Variants in AUTS2 observed in about 807,000 individuals in gnomAD.
AUTS2 encodes activator of transcription and developmental regulator AUTS2, also known as autism susceptibility gene 2 protein.
In AUTS2, 17 loss-of-function variants were observed where a neutral mutation model predicts 112.4. The ratio of observed to expected loss-of-function variants is 0.15; its 90% CI spans 0.10 to 0.23. AUTS2 has a LOEUF of 0.23. Among genes scored for constraint, AUTS2 ranks in the 10% least tolerant of loss-of-function variants. The pLI is 1.00. For synonymous variants in AUTS2, 751 were observed against 702.7 expected (o/e 1.07, Z -1.09); for missense variants, 1,510 against 1,701.6 (o/e 0.89, Z 1.98).
chr7:69,855,615 T>C (rs898972975), intron 1 of AUTS2, among the ~76,000 whole-genome samples: 5 of 152,212 alleles, frequency 3.3e-5, no homozygotes, highest in African/African-American at 1.2e-4. Context: ...TCATTTCTAG[T>C]TGGAGTCTGT....
intron 2 of AUTS2, among the ~76,000 whole-genome samples, chr7:70,014,207 G>A (rs1379754525): frequency 1.3e-5 from 2 of 152,154 alleles, no homozygotes; most frequent in African/African-American, 4.8e-5. Context: ...GGAAGATTCC[G>A]AACTTGAGGC....
At chr7:69,881,915 G>A (rs1194008162) in intron 1 of AUTS2, among the ~76,000 whole-genome samples, 1 of 152,124 alleles carries the variant, frequency 6.6e-6, no homozygotes, top group Non-Finnish European at 1.5e-5. Flanking sequence ...ACTTTGGGAG[G>A]CCGAGGTGGG....
chr7:70,026,968 T>G (rs1800548920), intron 2 of AUTS2, among the ~76,000 whole-genome samples: 1 of 150,000 alleles, frequency 6.7e-6, no homozygotes, highest in South Asian at 2.1e-4. Context: ...ATAGTTTTGG[T>G]GCAAAATCAT....
chr7:70,720,106 C>A (rs1356650696), intron 6 of AUTS2, among the ~76,000 whole-genome samples: 2 of 152,076 alleles, frequency 1.3e-5, no homozygotes, highest in East Asian at 3.9e-4. Context: ...CTTTAAAAAG[C>A]CTTTCCTGCC....
chr7:70,610,590 C>G (rs1804044217), intron 5 of AUTS2, among the ~76,000 whole-genome samples: 1 of 151,794 alleles, frequency 6.6e-6, no homozygotes, highest in Non-Finnish European at 1.5e-5. Context: ...AGGTGCACGC[C>G]ACTACACCTG....
chr7:69,957,791 CA>C lies in AUTS2; in HGVS notation c.522+58294del, dbSNP rs1797276182. Among the ~76,000 whole-genome samples the C allele has an allele frequency of 4.6e-5, 7 of 152,224 alleles. No homozygotes were observed. The South Asian group carries it at 1.4e-3, about 32-fold the overall frequency. The stretch of plus-strand genomic sequence containing the variant: ...CAACCCTCCCAAGTGGATTCAGTTC[CA>C]GGGGCACATGGTTTGGTGAGTGGCC... On this transcript the variant is annotated intron_variant, in intron 2 of 18. Coordinates refer to ENST00000342771, the MANE Select transcript of AUTS2 (RefSeq NM_015570.4).
intron 1 of AUTS2, among the ~76,000 whole-genome samples, chr7:69,865,092 T>C (rs1056808373): frequency 1.3e-5 from 2 of 151,394 alleles, no homozygotes; most frequent in African/African-American, 4.9e-5. Flanking sequence ...TTGGATATTA[T>C]AGGATGGTAG....
At chr7:70,563,570 C>T (rs989257129) in intron 5 of AUTS2, among the ~76,000 whole-genome samples, 2 of 152,148 alleles carry the variant, frequency 1.3e-5, no homozygotes, top group African/African-American at 2.4e-5. Flanking sequence ...GCCTCATGCA[C>T]CCTTGAGGTG....
intron 5 of AUTS2, among the ~76,000 whole-genome samples, chr7:70,651,355 G>A (rs1235070641): frequency 6.6e-6 from 1 of 152,180 alleles, no homozygotes; most frequent in Non-Finnish European, 1.5e-5. Context: ...GGGAAACCCA[G>A]GGTTTTGTGA....
intron 6 of AUTS2, among the ~76,000 whole-genome samples, chr7:70,733,706 C>T (rs1227582546): frequency 1.3e-5 from 2 of 152,206 alleles, no homozygotes. Flanking sequence ...CCTGCTTCAG[C>T]CTCCCAAGTA....
intron 1 of AUTS2, among the ~76,000 whole-genome samples, chr7:69,699,673 A>G (rs1306457270): frequency 2.1e-5 from 3 of 143,618 alleles, no homozygotes; most frequent in African/African-American, 7.8e-5. Flanking sequence ...CCGAGACAGA[A>G]TCTCACTCTT....
chr7:70,360,433 C>G (rs1391746880), intron 4 of AUTS2, among the ~76,000 whole-genome samples: 1 of 152,204 alleles, frequency 6.6e-6, no homozygotes, highest in African/African-American at 2.4e-5. Context: ...AGCCACTAAG[C>G]TCGGCCTAAG....
chr7:70,124,735 G>A lies in AUTS2; in HGVS notation c.624+6502G>A, dbSNP rs183330161. Among the ~76,000 whole-genome samples the A allele has an allele frequency of 1.8e-3, 281 of 152,072 alleles. 1 individual carries two copies. Among genetic ancestry groups the A allele is most frequent in the African/African-American group, 6.5e-3 (271 of 41,502 alleles). ...GTGCCACCATGCCCAGCTAATTTTCGTATTTTTAGTAGAGACGATGTTTTA... is the reference window on the plus strand; with the variant it reads ...GTGCCACCATGCCCAGCTAATTTTCATATTTTTAGTAGAGACGATGTTTTA... On this transcript the variant is annotated intron_variant, in intron 3 of 18. Transcript: ENST00000342771.
intron 1 of AUTS2, among the ~76,000 whole-genome samples, chr7:69,822,932 G>A (rs1316249877): frequency 6.6e-6 from 1 of 152,172 alleles, no homozygotes; most frequent in Admixed American, 6.5e-5. Flanking sequence ...ACTTACTGCC[G>A]AGGTCCCCAT....
intron 1 of AUTS2, among the ~76,000 whole-genome samples, chr7:69,802,342 G>T (rs1790121993): frequency 6.6e-6 from 1 of 152,156 alleles, no homozygotes; most frequent in African/African-American, 2.4e-5. Context: ...ACCTCTCTCA[G>T]ATCTTGTTTT....
intron 5 of AUTS2, among the ~76,000 whole-genome samples, chr7:70,655,162 T>G (rs974578668): frequency 2.0e-5 from 3 of 152,202 alleles, no homozygotes; most frequent in East Asian, 1.9e-4. Context: ...TGGCAGTGCC[T>G]GGAAGCAGCG....
intron 2 of AUTS2, among the ~76,000 whole-genome samples, chr7:69,942,853 C>T (rs1796678294): frequency 6.6e-6 from 1 of 152,206 alleles, no homozygotes; most frequent in African/African-American, 2.4e-5. Context: ...CATGTGTCAA[C>T]AATTTAATCT....
At chr7:70,649,926 T>G (rs548510372) in intron 5 of AUTS2, among the ~76,000 whole-genome samples, 1 of 152,268 alleles carries the variant, frequency 6.6e-6, no homozygotes, top group South Asian at 2.1e-4. Flanking sequence ...GTTCTTAGAA[T>G]GTGGACAGCC....
intron 2 of AUTS2, among the ~76,000 whole-genome samples, chr7:69,907,332 T>C (rs185037140): frequency 5.6e-4 from 86 of 152,342 alleles, no homozygotes; most frequent in Admixed American, 1.7e-3. Context: ...ATAAAGTTAC[T>C]ATGCAGGAGT....
Sources: allele counts gnomAD v4.1 joint callset (sites outside exome capture counted in the v4.1 genomes callset), GRCh38; gene constraint gnomAD v4.1.1; transcripts MANE v1.5; gene names NCBI Gene and HGNC (gene_info 2026-07-23, HGNC 2026-07-21).